PRKAG2: variants seen among roughly 807,000 people sequenced by gnomAD.
PRKAG2 encodes 5'-AMP-activated protein kinase subunit gamma-2.
A neutral mutation model predicts 69.6 loss-of-function variants in PRKAG2; 26 were observed. The observed-to-expected ratio is 0.37, with a 90% CI of 0.27 to 0.52. The LOEUF (loss-of-function observed/expected upper bound fraction) is 0.52, where lower values mean the gene tolerates loss of function less well. PRKAG2 is among the 20% of genes least tolerant of loss of function. The pLI, the probability that PRKAG2 is intolerant of heterozygous loss-of-function variation, is 0.90. For missense variants in PRKAG2, 557 were observed against 740.0 expected (o/e 0.75, Z 2.87); for synonymous variants, 293 against 285.0 (o/e 1.03, Z -0.28).
intron 4 of PRKAG2, among the ~76,000 whole-genome samples, chr7:151,658,196 A>T (rs1469645226): frequency 2.8e-5 from 4 of 142,302 alleles, no homozygotes; most frequent in Admixed American, 1.4e-4. Context: ...TAAATAAATA[A>T]GAATAATAGG....
chr7:151,842,631 C>A (rs1168400577), intron 1 of PRKAG2, among the ~76,000 whole-genome samples: 1 of 58,788 alleles, frequency 1.7e-5, no homozygotes, highest in Non-Finnish European at 3.1e-5. Flanking sequence ...ATGATGGTAG[C>A]GATGGTAGGG....
chr7:151,794,221 C>T (rs141762386), intron 1 of PRKAG2, among the ~76,000 whole-genome samples: 10 of 152,336 alleles, frequency 6.6e-5, no homozygotes, highest in African/African-American at 2.2e-4. Flanking sequence ...TCGTCTGGCC[C>T]GAGGCCACCC....
chr7:151,871,119 G>A (rs1408809317), intron 1 of PRKAG2, among the ~76,000 whole-genome samples: 1 of 152,152 alleles, frequency 6.6e-6, no homozygotes, highest in East Asian at 1.9e-4. Context: ...AGAGACACAC[G>A]ACATGGCAGC....
intron 1 of PRKAG2, chr7:151,837,271 TAA>T (rs1278222560): frequency 6.6e-6 from 1 of 152,340 alleles, no homozygotes; most frequent in Admixed American, 6.5e-5. Flanking sequence ...ATTAAACAGA[TAA>T]AGTTTATTTT....
chr7:151,695,790 A>C (rs914013587), intron 3 of PRKAG2, among the ~76,000 whole-genome samples: 2 of 152,022 alleles, frequency 1.3e-5, no homozygotes, highest in Non-Finnish European at 2.9e-5. Flanking sequence ...CAGAAGCTGT[A>C]AGGCTAGGCC....
chr7:151,845,475 G>C (rs1563749431), intron 1 of PRKAG2, among the ~76,000 whole-genome samples: 1 of 152,086 alleles, frequency 6.6e-6, no homozygotes, highest in East Asian at 1.9e-4. Flanking sequence ...GTGGGGCCCA[G>C]CCTCCAGGTG....
chr7:151,607,178 C>T (rs1397579724), intron 5 of PRKAG2, among the ~76,000 whole-genome samples: 1 of 152,192 alleles, frequency 6.6e-6, no homozygotes, highest in East Asian at 1.9e-4. Context: ...TTTACAAATG[C>T]AACATCTAAG....
intron 3 of PRKAG2, among the ~76,000 whole-genome samples, chr7:151,717,456 T>C (rs375197671): frequency 9.8e-5 from 15 of 152,318 alleles, no homozygotes; most frequent in African/African-American, 2.9e-4. Flanking sequence ...GAATTTCATA[T>C]GCAGGAACTT....
At chr7:151,570,109 T>C (rs1193791058) in intron 10 of PRKAG2, 62 bp downstream of exon 10, 1 of 1,541,968 alleles carries the variant, frequency 6.5e-7, no homozygotes, top group Non-Finnish European at 8.8e-7. Flanking sequence ...TTTCTTTCTA[T>C]CATGGTGATA....
Position 151,660,850 on chromosome 7 carries a change from T to A in PRKAG2, c.684+14570A>T, listed in dbSNP as rs1168326228. Among the ~76,000 whole-genome samples the A allele has an allele frequency of 6.6e-5, 10 of 152,366 alleles. No homozygotes were observed. In the South Asian group the frequency reaches 1.7e-3, roughly 25 times the overall value. ...TCCAGGAAGTTTTAATTTTCTTTTT[T>A]ATGTTTTTCCTTTTATAATCAGAGG... On this transcript the variant is annotated intron_variant, in intron 4 of 15. Transcript: ENST00000287878.
chr7:151,575,562 T>C (rs1808688022), intron 7 of PRKAG2, among the ~76,000 whole-genome samples: 1 of 152,200 alleles, frequency 6.6e-6, no homozygotes, highest in Admixed American at 6.5e-5. Flanking sequence ...GGCATTTAGA[T>C]AGCTGTAAGT....
chr7:151,824,459 T>C (rs146035817), intron 1 of PRKAG2, among the ~76,000 whole-genome samples: 1 of 152,326 alleles, frequency 6.6e-6, no homozygotes, highest in East Asian at 1.9e-4. Flanking sequence ...TATCGACTGA[T>C]ACTTTAAATC....
intron 3 of PRKAG2, among the ~76,000 whole-genome samples, chr7:151,757,876 T>C (rs1479251086): frequency 1.3e-5 from 2 of 152,190 alleles, no homozygotes; most frequent in Non-Finnish European, 2.9e-5. Context: ...TAAAAGGGCT[T>C]TTGTTGATGT....
chr7:151,564,322 T>A, intron 13 of PRKAG2, 98 bp from the exon 14 acceptor site: 1 of 1,346,906 alleles, frequency 7.4e-7, no homozygotes, highest in Non-Finnish European at 1.1e-6. Flanking sequence ...CTAAAAACTT[T>A]AATGCTTATC....
intron 3 of PRKAG2, among the ~76,000 whole-genome samples, chr7:151,714,493 C>T (rs937221517): frequency 2.4e-4 from 34 of 141,642 alleles, no homozygotes; most frequent in African/African-American, 8.3e-4. Flanking sequence ...CCACGCACCA[C>T]GTCCTCCCAT....
intron 5 of PRKAG2, among the ~76,000 whole-genome samples, chr7:151,605,936 CAAAA>C (rs560080587): frequency 4.9e-4 from 45 of 91,044 alleles, no homozygotes; most frequent in Admixed American, 9.9e-4. Flanking sequence ...GACTCCGTCT[CAAAA>C]AAAAAAAAAA....
Position 151,850,113 on chromosome 7 carries a change from G to A in PRKAG2, c.114+26394C>T, listed in dbSNP as rs893870326. On this transcript the variant is annotated intron_variant, in intron 1 of 15. Coordinates refer to ENST00000287878, the MANE Select transcript of PRKAG2 (RefSeq NM_016203.4). The surrounding 1 kb of genome is among the most constrained non-coding windows in gnomAD (Gnocchi z 4.1). ...CCCACACCGCCTAAACCGAGGGGCC[G>A]TGCACACAGGTGGCTCAGTGTCTGC... 2.0e-5 allele frequency among the ~76,000 whole-genome samples: 3 copies of A among 152,278 alleles called. No individual in the cohort carries two copies. The highest frequency in any genetic ancestry group is 2.1e-4 in the South Asian group (1 of 4,818).
intron 6 of PRKAG2, among the ~76,000 whole-genome samples, chr7:151,587,034 G>C (rs1245990886): frequency 6.6e-6 from 1 of 152,084 alleles, no homozygotes; most frequent in African/African-American, 2.4e-5. Flanking sequence ...GTTGTTGCCC[G>C]CCTGTAATCC....
Position 151,876,880 on chromosome 7 carries a change from C to A in PRKAG2, c.-260G>T. ...AGCCCGTCCCGGTTCTGGTGTCTCCCCGGGTTACTCGTGGCTGAGGTCTCC... is the reference window on the plus strand; with the variant it reads ...AGCCCGTCCCGGTTCTGGTGTCTCCACGGGTTACTCGTGGCTGAGGTCTCC... On this transcript the variant is annotated 5_prime_UTR_variant, in exon 1 of 16. Coordinates refer to ENST00000287878, the MANE Select transcript of PRKAG2 (RefSeq NM_016203.4). 3.6e-6 allele frequency: 2 copies of A among 558,712 alleles called. No individual in the cohort carries two copies. 34.6% of individuals were successfully genotyped at this position (558,712 alleles called of 1,614,324 possible).
Sources: allele counts gnomAD v4.1 joint callset (sites outside exome capture counted in the v4.1 genomes callset), GRCh38; gene constraint gnomAD v4.1.1; non-coding constraint Gnocchi (gnomAD v3.1); transcripts MANE v1.5; gene names NCBI Gene and HGNC (gene_info 2026-07-23, HGNC 2026-07-21).